SMC5: variants seen among roughly 807,000 people sequenced by gnomAD.
SMC5 encodes structural maintenance of chromosomes 5, also known as structural maintenance of chromosomes protein 5.
Under a neutral mutation model 148.3 loss-of-function variants are expected in SMC5, and 88 were observed. The ratio of observed to expected loss-of-function variants is 0.59; its 90% CI spans 0.50 to 0.71. The LOEUF is 0.71. Among genes scored for constraint, SMC5 ranks in the 30% least tolerant of loss-of-function variants. SMC5 has a pLI of 0.00. For missense variants in SMC5, 1,142 were observed against 1,298.9 expected, an observed-to-expected ratio of 0.88 and a Z score of 1.86; for synonymous variants, 421 against 432.8, an observed-to-expected ratio of 0.97 and a Z score of 0.34.
intron 11 of SMC5, among the ~76,000 whole-genome samples, chr9:70,312,529 C>T (rs927347856): frequency 7.2e-5 from 11 of 152,182 alleles, no homozygotes; most frequent in African/African-American, 2.4e-4. Flanking sequence ...GAGGAAAGCA[C>T]TTAATGTTTC....
At chr9:70,322,843 CA>C (rs978319525) in intron 15 of SMC5, among the ~76,000 whole-genome samples, 1 of 150,994 alleles carries the variant, frequency 6.6e-6, no homozygotes, top group African/African-American at 2.4e-5. Context: ...CTCAAACAAA[CA>C]AAAAAAAATT....
At chr9:70,344,394 C>A in intron 18 of SMC5, 125 bp downstream of exon 18, 1 of 434,142 alleles carries the variant, frequency 2.3e-6, no homozygotes, top group Non-Finnish European at 3.7e-6. Context: ...AGTTTTTCCA[C>A]ATTTTTAAAC....
Position 70,352,383 on chromosome 9 carries a change from A to G in SMC5, c.*52A>G. The G allele has an allele frequency of 6.5e-7, 1 of 1,527,376 alleles. No homozygotes were observed. 94.6% of individuals were successfully genotyped at this position (1,527,376 alleles called of 1,614,324 possible). A position where few individuals can be genotyped will look rare whatever the true frequency, so the allele number is the denominator to read the frequency against. On this transcript the variant is annotated 3_prime_UTR_variant, in exon 25 of 25. Coordinates refer to ENST00000361138, the MANE Select transcript of SMC5 (RefSeq NM_015110.4). ...ATTTTTTTTGTTAAATTCTGTTTAT[A>G]AGTATGGCTCAACTGAATAAAAGGA...
At chr9:70,312,849 C>T (rs917198676) in intron 11 of SMC5, among the ~76,000 whole-genome samples, 2 of 151,996 alleles carry the variant, frequency 1.3e-5, no homozygotes, top group Non-Finnish European at 2.9e-5. Flanking sequence ...AGGATTTTTG[C>T]TTTTGTATTC....
intron 8 of SMC5, among the ~76,000 whole-genome samples, chr9:70,287,543 G>T (rs1289009053): frequency 6.6e-6 from 1 of 152,154 alleles, no homozygotes; most frequent in East Asian, 1.9e-4. Flanking sequence ...CTGCCTTGGG[G>T]GTAGACATGT....
chr9:70,321,971 A>C (rs2035959204), intron 15 of SMC5, among the ~76,000 whole-genome samples: 1 of 152,194 alleles, frequency 6.6e-6, no homozygotes, highest in Non-Finnish European at 1.5e-5. Context: ...AATCTTTAAT[A>C]ATAAGTAACA....
chr9:70,293,424 T>C (rs2035116856), intron 8 of SMC5, among the ~76,000 whole-genome samples: 1 of 151,928 alleles, frequency 6.6e-6, no homozygotes, highest in Non-Finnish European at 1.5e-5. Flanking sequence ...TTTGTTTTAT[T>C]GATTTTTCTC....
intron 13 of SMC5, 26 bp downstream of exon 13, chr9:70,315,604 G>T (rs2035780514): frequency 6.8e-7 from 1 of 1,462,464 alleles, no homozygotes; most frequent in African/African-American, 1.4e-5. Flanking sequence ...ATCATGTACT[G>T]AATCATGTAC....
At chr9:70,324,380 T>G (rs1724478881) in intron 17 of SMC5, among the ~76,000 whole-genome samples, 1 of 152,156 alleles carries the variant, frequency 6.6e-6, no homozygotes, top group African/African-American at 2.4e-5. Flanking sequence ...ACAGAAATAC[T>G]GGGTGGAGGG....
chr9:70,350,581 G>A (rs1251644465), intron 24 of SMC5, 110 bp downstream of exon 24: 3 of 633,986 alleles, frequency 4.7e-6, no homozygotes, highest in African/African-American at 3.8e-5. Flanking sequence ...TCCCAAAAAA[G>A]GAATTTAAAA....
chr9:70,322,136 A>G (rs780505300), intron 15 of SMC5, among the ~76,000 whole-genome samples: 1 of 152,206 alleles, frequency 6.6e-6, no homozygotes, highest in African/African-American at 2.4e-5. Flanking sequence ...ATTAACTTCT[A>G]TTTTTAAAAT....
chr9:70,292,433 G>T (rs1299304110), intron 8 of SMC5, among the ~76,000 whole-genome samples: 1 of 151,888 alleles, frequency 6.6e-6, no homozygotes, highest in Non-Finnish European at 1.5e-5. Flanking sequence ...TTCTACCTAG[G>T]CAGTCATGTC....
At chr9:70,297,120 A>G (rs548928739) in intron 8 of SMC5, among the ~76,000 whole-genome samples, 9 of 152,364 alleles carry the variant, frequency 5.9e-5, no homozygotes, top group African/African-American at 2.2e-4. Flanking sequence ...TTGCATATAC[A>G]TAATGAGGTA....
intron 11 of SMC5, among the ~76,000 whole-genome samples, chr9:70,310,147 C>T (rs1028931953): frequency 2.0e-5 from 3 of 152,140 alleles, no homozygotes; most frequent in African/African-American, 4.8e-5. Flanking sequence ...CACACCTGGC[C>T]GATGAATCTT....
chr9:70,302,138 G>A (rs1473548193), intron 10 of SMC5, among the ~76,000 whole-genome samples: 1 of 152,178 alleles, frequency 6.6e-6, no homozygotes, highest in Non-Finnish European at 1.5e-5. Flanking sequence ...TTGGGAGGCC[G>A]AGGTAGGCAG....
chr9:70,286,177 C>G (rs752692858), intron 7 of SMC5, 23 bp from the exon 8 acceptor site: 3 of 1,426,804 alleles, frequency 2.1e-6, no homozygotes, highest in East Asian at 2.3e-5. Flanking sequence ...CTGTCCCCCC[C>G]TCTCCCCGGT....
chr9:70,325,335 A>G (rs1242644975), intron 17 of SMC5, among the ~76,000 whole-genome samples: 1 of 152,210 alleles, frequency 6.6e-6, no homozygotes, highest in Non-Finnish European at 1.5e-5. Flanking sequence ...TGTGAACTCC[A>G]GAATACAAGT....
At chr9:70,323,650 CG>C (rs763945151) in intron 16 of SMC5, 44 bp downstream of exon 16, 1 of 1,571,648 alleles carries the variant, frequency 6.4e-7, no homozygotes, top group South Asian at 1.2e-5. Context: ...AAGGAAATAG[CG>C]GGCAGATAAG....
chr9:70,299,673 A>G (rs1236363689), intron 9 of SMC5, among the ~76,000 whole-genome samples: 1 of 146,972 alleles, frequency 6.8e-6, no homozygotes, highest in Admixed American at 6.8e-5. Flanking sequence ...CCCCTTTTTT[A>G]GTTTTGTTGT....
Sources: gnomAD v4.1 joint callset for allele counts (sites outside exome capture counted in the v4.1 genomes callset) on GRCh38, gnomAD v4.1.1 for gene constraint, MANE v1.5 for transcripts, NCBI Gene and HGNC (gene_info 2026-07-23, HGNC 2026-07-21) for gene names.